Variants in MBNL1 observed in about 807,000 individuals in gnomAD.
MBNL1 encodes the protein muscleblind-like protein 1.
In MBNL1, 8 loss-of-function variants were observed where a neutral mutation model predicts 42.2. That is an observed-to-expected ratio of 0.19 (90% CI 0.11 to 0.34). The LOEUF is 0.34. Ranked by LOEUF, MBNL1 falls within the 10% of genes least tolerant of loss-of-function variation. MBNL1 has a pLI of 1.00. For synonymous variants in MBNL1, 169 were observed against 173.9 expected (o/e 0.97, Z 0.22); for missense variants, 309 against 495.3 (o/e 0.62, Z 3.57).
rs563734091 is a variant in MBNL1, at chr3:152,269,136, C to T, written c.-790+44C>T. 3.7e-4 allele frequency: 162 copies of T among 439,920 alleles called. 1 individual carries two copies. Among genetic ancestry groups the T allele is most frequent in the South Asian group, 2.5e-3 (156 of 62,396 alleles). 27.3% of individuals were successfully genotyped at this position (439,920 alleles called of 1,614,324 possible). A position where few individuals can be genotyped will look rare whatever the true frequency, so the allele number is the denominator to read the frequency against. ...AGTTTCCCCGCGCCGCTTCATTGTT[C>T]GGACTCCGGCGGGTCTGCCCGTGGC... On this transcript the variant is annotated intron_variant, in intron 1 of 9. Transcript: ENST00000324210.
At chr3:152,381,071 G>A (rs999494445) in intron 2 of MBNL1, among the ~76,000 whole-genome samples, 1 of 151,974 alleles carries the variant, frequency 6.6e-6, no homozygotes, top group Non-Finnish European at 1.5e-5. Context: ...CAACAACCAT[G>A]CATCTTTTCT....
intron 2 of MBNL1, among the ~76,000 whole-genome samples, chr3:152,351,506 G>A (rs1426892765): frequency 2.0e-5 from 3 of 152,156 alleles, no homozygotes; most frequent in African/African-American, 7.2e-5. Flanking sequence ...TAGTTTTCGA[G>A]TTTTATTAAA....
At chr3:152,398,575 T>G (rs1357957385) in intron 2 of MBNL1, among the ~76,000 whole-genome samples, 1 of 152,162 alleles carries the variant, frequency 6.6e-6, no homozygotes, top group African/African-American at 2.4e-5. Flanking sequence ...GGTCTGGGAT[T>G]ATTATCTAGA....
At chr3:152,408,797 G>A (rs2098498798) in intron 2 of MBNL1, among the ~76,000 whole-genome samples, 1 of 152,018 alleles carries the variant, frequency 6.6e-6, no homozygotes, top group Non-Finnish European at 1.5e-5. Context: ...AATATCTGGA[G>A]ACATTTTGGT....
chr3:152,370,203 G>A (rs1276918084), intron 2 of MBNL1, among the ~76,000 whole-genome samples: 2 of 151,728 alleles, frequency 1.3e-5, no homozygotes, highest in Non-Finnish European at 2.9e-5. Context: ...CTGGTACATT[G>A]TGTGTTCTCA....
intron 1 of MBNL1, among the ~76,000 whole-genome samples, chr3:152,281,460 T>G (rs1360224700): frequency 6.6e-6 from 1 of 152,092 alleles, no homozygotes; most frequent in Non-Finnish European, 1.5e-5. Context: ...AAGAGCAGAC[T>G]ATGGAATGGA....
At chr3:152,347,208 G>C (rs1302763115) in intron 2 of MBNL1, among the ~76,000 whole-genome samples, 2 of 152,134 alleles carry the variant, frequency 1.3e-5, no homozygotes, top group East Asian at 3.9e-4. Context: ...TGCTACATGA[G>C]AAGAGTTCCC....
Position 152,432,768 on chromosome 3 carries a change from T to C in MBNL1, c.397T>C (p.Phe133Leu), listed in dbSNP as rs747858065. Residue 133 changes from phenylalanine (F) to leucine (L), a missense_variant, in exon 4 of 10, where the codon TTT (phenylalanine) becomes CTT (leucine). Phe to Leu is a conservative substitution (Grantham distance 22). Transcript: ENST00000324210. Reference protein sequence around the residue: ...SLATNASAAAFNPYLGPVSPS... With the variant: ...SLATNASAAALNPYLGPVSPS... Reference sequence around the variant, plus strand: ...AGCCACCAATGCATCAGCAGCCGCCTTTAATCCCTATCTGGGACCTGTTTC... The same window carrying C: ...AGCCACCAATGCATCAGCAGCCGCCCTTAATCCCTATCTGGGACCTGTTTC... 1.2e-6 allele frequency: 2 copies of C among 1,614,228 alleles called. No individual in the cohort carries two copies.
Position 152,269,090 on chromosome 3 carries a change from G to A in MBNL1, c.-792G>A. The A allele has an allele frequency of 2.2e-6, 1 of 455,042 alleles. No individual in the cohort carries two copies. Among genetic ancestry groups the A allele is most frequent in the Non-Finnish European group, 4.4e-6 (1 of 226,682 alleles). The allele number at this position is 455,042 out of a possible 1,614,324, so 28.2% of individuals were successfully genotyped here. On this transcript the variant is annotated splice_region_variant and 5_prime_UTR_variant, in exon 1 of 10. Transcript: ENST00000324210. Reference sequence around the variant, plus strand: ...GGCCGCCTCTGAAAAAAAAATGTGAGAGGTAAGTTTCCATTTTCACAGTTT... The same window carrying A: ...GGCCGCCTCTGAAAAAAAAATGTGAAAGGTAAGTTTCCATTTTCACAGTTT...
At chr3:152,347,118 G>C (rs1044040568) in intron 2 of MBNL1, among the ~76,000 whole-genome samples, 1 of 152,004 alleles carries the variant, frequency 6.6e-6, no homozygotes, top group African/African-American at 2.4e-5. Context: ...TAATTTTGGA[G>C]CTATGCTGAC....
At chr3:152,355,109 A>G (rs2153042354) in intron 2 of MBNL1, among the ~76,000 whole-genome samples, 1 of 152,294 alleles carries the variant, frequency 6.6e-6, no homozygotes, top group Non-Finnish European at 1.5e-5. Context: ...ATGAGCAAAC[A>G]ATTAAAAGAA....
At chr3:152,275,632 C>T (rs1223452637) in intron 1 of MBNL1, among the ~76,000 whole-genome samples, 6 of 136,184 alleles carry the variant, frequency 4.4e-5, no homozygotes, top group Non-Finnish European at 9.2e-5. Context: ...TGCTTGAACT[C>T]GGGAGGCGGA....
intron 1 of MBNL1, among the ~76,000 whole-genome samples, chr3:152,295,838 C>A (rs1468493166): frequency 6.6e-6 from 1 of 152,180 alleles, no homozygotes; most frequent in African/African-American, 2.4e-5. Flanking sequence ...TTGGCACCTG[C>A]CAAGAACCCT....
At position 152,293,596 on chromosome 3, in the gene MBNL1, G is replaced by C. The variant is rs115539560; in HGVS notation, c.-789-5809G>C. Among the ~76,000 whole-genome samples, 593 of 152,272 alleles carry C rather than the reference G, an allele frequency of 3.9e-3. 3 individuals carry two copies. The highest frequency in any genetic ancestry group is 6.6e-3 in the Non-Finnish European group (448 of 68,022). On this transcript the variant is annotated intron_variant, in intron 1 of 9. Coordinates refer to ENST00000324210, the MANE Select transcript of MBNL1 (RefSeq NM_021038.5). ...ACTCCAAACTTACAGGGTGAAGTTA[G>C]CCATCTCTTTCAGTTAGATTGAAAC...
At chr3:152,326,730 A>C (rs557564568) in intron 2 of MBNL1, among the ~76,000 whole-genome samples, 8 of 151,976 alleles carry the variant, frequency 5.3e-5, no homozygotes, top group African/African-American at 1.9e-4. Context: ...TTACACATAT[A>C]ATCAAGGATG....
rs566059967 is a variant in MBNL1 at position 152,254,380 on chromosome 3, C to T, written n.333+9940C>T. Among the ~76,000 whole-genome samples, 20 of 152,200 alleles carry T rather than the reference C, an allele frequency of 1.3e-4. No individual in the cohort carries two copies. In the South Asian group the frequency reaches 4.1e-3, roughly 32 times the overall value. On this transcript the variant is annotated intron_variant and non_coding_transcript_variant, in intron 2 of 2. Coordinates refer to the MBNL1 transcript ENST00000477171. Reference sequence around the variant, plus strand: ...ACCTCTGCATTTCTTGCCCCATTGCCTCTGCCCTTGTCCTGCCTTGCCCTC... The same window carrying T: ...ACCTCTGCATTTCTTGCCCCATTGCTTCTGCCCTTGTCCTGCCTTGCCCTC...
chr3:152,376,784 G>GCA (rs953952162), intron 2 of MBNL1, among the ~76,000 whole-genome samples: 2 of 151,786 alleles, frequency 1.3e-5, no homozygotes, highest in African/African-American at 2.4e-5. Flanking sequence ...ATATATATAC[G>GCA]CACACACACA....
chr3:152,259,963 T>G (rs1222360405), intron 2 of MBNL1, among the ~76,000 whole-genome samples: 1 of 152,220 alleles, frequency 6.6e-6, no homozygotes, highest in African/African-American at 2.4e-5. Context: ...TATTATTTAC[T>G]TAGTTGATCA....
upstream of MBNL1, chr3:152,267,322 C>G (rs1240862843): frequency 6.6e-6 from 1 of 152,512 alleles, no homozygotes; most frequent in African/African-American, 2.4e-5. Flanking sequence ...AGGAACCCTT[C>G]CTTTGCCATC....
Sources: allele counts gnomAD v4.1 joint callset (sites outside exome capture counted in the v4.1 genomes callset), GRCh38; gene constraint gnomAD v4.1.1; transcripts MANE v1.5; gene names NCBI Gene and HGNC (gene_info 2026-07-23, HGNC 2026-07-21).